Variants in CEP126 observed in about 807,000 individuals in gnomAD.
The protein encoded by CEP126 is centrosomal protein 126, also known as centrosomal protein of 126 kDa.
Under a neutral mutation model 107.8 loss-of-function variants are expected in CEP126, and 74 were observed. The observed-to-expected ratio is 0.69, with a 90% CI of 0.57 to 0.83. The LOEUF is 0.83. Ranked by LOEUF, CEP126 falls within the 40% of genes least tolerant of loss-of-function variation. The pLI is 0.00. For synonymous variants in CEP126, 449 were observed against 446.0 expected, an observed-to-expected ratio of 1.01 and a Z score of -0.08; for missense variants, 1,237 against 1,281.9, an observed-to-expected ratio of 0.96 and a Z score of 0.53.
Position 101,997,596 on chromosome 11 carries a change from CAGG to C in CEP126, c.3310_3312del (p.Glu1104del), listed in dbSNP as rs201918845. 805 of 1,613,826 alleles carry C rather than the reference CAGG, an allele frequency of 5.0e-4. 4 individuals are homozygous for C. In the African/African-American group the frequency reaches 9.7e-3, roughly 19 times the overall value. ...ATGCTTGTTTCTTCTTTCTGATTTC[CAGG>C]AGAAGAGAGAAGATAGAACCAGCAG... is the stretch of plus-strand genomic sequence containing the variant. On this transcript the variant is annotated splice_acceptor_variant and coding_sequence_variant, in exon 11 of 11. Coordinates refer to ENST00000263468, the MANE Select transcript of CEP126 (RefSeq NM_020802.4). LOFTEE classifies it high-confidence loss of function.
At chr11:101,955,717 C>G (rs1234103307) in intron 4 of CEP126, 1 of 364,372 alleles carries the variant, frequency 2.7e-6, no homozygotes, top group African/African-American at 2.1e-5. Flanking sequence ...AGAGGCAGCC[C>G]AATAAACCAA....
In CEP126 at chr11:101,969,567, C is replaced by T. The variant is rs79842912; in HGVS notation, c.2845+5687C>T. On this transcript the variant is annotated intron_variant, in intron 6 of 10. Transcript: ENST00000263468. Reference sequence around the variant, plus strand: ...GAAGGCAATTCTCCACAAACTAATCCGTAAATGTAGTATAATCTCTATCAA... The same window carrying T: ...GAAGGCAATTCTCCACAAACTAATCTGTAAATGTAGTATAATCTCTATCAA... Among the ~76,000 whole-genome samples the T allele has an allele frequency of 9.9e-3, 1,499 of 152,178 alleles. 8 individuals carry two copies. Among genetic ancestry groups the T allele is most frequent in the South Asian group, 0.021 (102 of 4,822 alleles).
rs1465717028 is a variant in CEP126, at chr11:101,999,020, A to G, written c.*1377A>G. 1 of 152,204 alleles carries G rather than the reference A, an allele frequency of 6.6e-6. No individual in the cohort carries two copies. The highest frequency in any genetic ancestry group is 2.4e-5 in the African/African-American group (1 of 41,446). 9.4% of individuals were successfully genotyped at this position (152,204 alleles called of 1,614,324 possible). On this transcript the variant is annotated 3_prime_UTR_variant, in exon 11 of 11. Transcript: ENST00000263468. The stretch of plus-strand genomic sequence containing the variant: ...CACTTTTTAAATGAAGAAATTAGTG[A>G]AAAAATTGACCTAATGAAGGAAACA...
intron 6 of CEP126, among the ~76,000 whole-genome samples, chr11:101,976,134 T>G (rs1785016087): frequency 6.6e-6 from 1 of 152,232 alleles, no homozygotes; most frequent in South Asian, 2.1e-4. Context: ...ACTTCTGTTT[T>G]AAGTTCTTTG....
Position 101,916,175 on chromosome 11 carries a change from T to G in CEP126, c.128+763T>G, listed in dbSNP as rs551173423. The G allele has an allele frequency of 2.0e-5, 3 of 152,388 alleles. No individual in the cohort carries two copies. The South Asian group carries it at 6.2e-4, about 32-fold the overall frequency. The allele number at this position is 152,388 out of a possible 1,614,324, so 9.4% of individuals were successfully genotyped here. On this transcript the variant is annotated intron_variant, in intron 1 of 10. Coordinates refer to ENST00000263468, the MANE Select transcript of CEP126 (RefSeq NM_020802.4). ...AGGACTTGGTTGGCAATGATGGTGT[T>G]GTGTAATCATCTTCAGTCTTGTCAG...
intron 2 of CEP126, among the ~76,000 whole-genome samples, chr11:101,929,915 T>C (rs1304910825): frequency 6.6e-6 from 1 of 151,832 alleles, no homozygotes; most frequent in Non-Finnish European, 1.5e-5. Flanking sequence ...AAGTTTTCTG[T>C]CTAGCTAAGC....
intron 8 of CEP126, 142 bp downstream of exon 8, chr11:101,982,106 A>G (rs1328619709): frequency 6.0e-6 from 3 of 497,188 alleles, no homozygotes; most frequent in African/African-American, 6.0e-5. Flanking sequence ...CTGCACATCC[A>G]GGTCATTGTC....
chr11:101,963,905 A>G (rs746250670), intron 6 of CEP126, 25 bp downstream of exon 6: 28 of 1,450,296 alleles, frequency 1.9e-5, no homozygotes, highest in Non-Finnish European at 2.6e-5. Context: ...ATAGCTTTTT[A>G]TAGATAAAAT....
At chr11:101,961,364 G>GA (rs1477971945) in intron 5 of CEP126, among the ~76,000 whole-genome samples, 4 of 151,806 alleles carry the variant, frequency 2.6e-5, no homozygotes, top group Non-Finnish European at 5.9e-5. Context: ...AATGTTTTAG[G>GA]AAAAAAATAC....
chr11:101,934,011 A>G (rs1475751141), intron 2 of CEP126, among the ~76,000 whole-genome samples: 1 of 152,068 alleles, frequency 6.6e-6, no homozygotes, highest in Admixed American at 6.5e-5. Flanking sequence ...GATATCATGG[A>G]AAGTGTGAAG....
At chr11:101,976,398 G>A (rs557750163) in intron 6 of CEP126, among the ~76,000 whole-genome samples, 1 of 152,128 alleles carries the variant, frequency 6.6e-6, no homozygotes, top group African/African-American at 2.4e-5. Context: ...AGTGCCTATG[G>A]CCCTTAGAAC....
chr11:101,915,462 C>T, intron 1 of CEP126, 50 bp downstream of exon 1: 1 of 1,568,854 alleles, frequency 6.4e-7, no homozygotes, highest in Non-Finnish European at 8.7e-7. Context: ...GAAAACGGGG[C>T]CCATCTTTTT....
rs551441057 is a variant in CEP126, at chr11:101,963,041, C to T, written c.2006C>T (p.Ala669Val). 1 of 1,614,060 alleles carries T rather than the reference C, an allele frequency of 6.2e-7. No individual in the cohort carries two copies. Among genetic ancestry groups the T allele is most frequent in the East Asian group, 2.2e-5 (1 of 44,872 alleles). Residue 669 changes from alanine to valine, a missense_variant, in exon 6 of 11, where the codon GCT (alanine) becomes GTT (valine). Physicochemically the swap from Ala to Val is moderately conservative, Grantham distance 64 (BLOSUM62 0). Coordinates refer to ENST00000263468, the MANE Select transcript of CEP126 (RefSeq NM_020802.4). ...CAACAATTCCACATTCAAAGTGGTG[C>T]TGGAAGCAACATAATTAGTGTTTCT... is the stretch of plus-strand genomic sequence containing the variant. ...HSQQFHIQSGAGSNIISVSTC... is the reference protein window; with the variant it reads ...HSQQFHIQSGVGSNIISVSTC...
intron 2 of CEP126, 52 bp from the exon 3 acceptor site, chr11:101,944,213 T>C: frequency 1.4e-6 from 2 of 1,444,406 alleles, no homozygotes; most frequent in Non-Finnish European, 9.2e-7. Flanking sequence ...TTTGAAACTA[T>C]TTTCTAAACT....
intron 6 of CEP126, among the ~76,000 whole-genome samples, chr11:101,977,793 C>T (rs1203029236): frequency 2.6e-5 from 4 of 152,068 alleles, no homozygotes; most frequent in South Asian, 2.1e-4. Flanking sequence ...CTATAAGATA[C>T]GCATAAATTC....
intron 2 of CEP126, among the ~76,000 whole-genome samples, chr11:101,932,947 A>T (rs1191138923): frequency 2.6e-5 from 4 of 152,188 alleles, no homozygotes; most frequent in Admixed American, 2.6e-4. Flanking sequence ...AACTGCTTTT[A>T]AAAGTGCTCT....
chr11:101,971,009 T>G (rs1287788924), intron 6 of CEP126, among the ~76,000 whole-genome samples: 1 of 152,198 alleles, frequency 6.6e-6, no homozygotes, highest in African/African-American at 2.4e-5. Context: ...AGGGTCTCAC[T>G]CTGTCACCCG....
chr11:101,948,260 T>A, intron 4 of CEP126, 118 bp downstream of exon 4: 1 of 512,562 alleles, frequency 2.0e-6, no homozygotes. Context: ...GTTTATTCTT[T>A]TATTTTTACA....
intron 10 of CEP126, among the ~76,000 whole-genome samples, chr11:101,994,729 A>T (rs774947849): frequency 1.3e-5 from 2 of 152,186 alleles, no homozygotes; most frequent in African/African-American, 2.4e-5. Context: ...ACATTTTTAT[A>T]TTCAGAGTAT....
Sources: gnomAD v4.1 joint callset for allele counts (sites outside exome capture counted in the v4.1 genomes callset) on GRCh38, gnomAD v4.1.1 for gene constraint, MANE v1.5 for transcripts, NCBI Gene and HGNC (gene_info 2026-07-23, HGNC 2026-07-21) for gene names.